The following KCNN2 variants were observed in gnomAD, a reference collection of about 807,000 sequenced individuals.
The protein encoded by KCNN2 is small conductance calcium-activated potassium channel protein 2.
KCNN2 carries 24 observed loss-of-function variants against 55.5 expected under a neutral mutation model. That is an observed-to-expected ratio of 0.43 (90% CI 0.31 to 0.61). The LOEUF (loss-of-function observed/expected upper bound fraction) is 0.61. Among genes scored for constraint, KCNN2 ranks in the 20% least tolerant of loss-of-function variants. The pLI, the probability that KCNN2 is intolerant of heterozygous loss-of-function variation, is 0.08. For missense variants in KCNN2, 754 were observed against 853.6 expected, an observed-to-expected ratio of 0.88 and a Z score of 1.45; for synonymous variants, 431 against 336.1, an observed-to-expected ratio of 1.28 and a Z score of -3.09.
At chr5:114,416,057 C>T (rs1361736055) in intron 3 of KCNN2, among the ~76,000 whole-genome samples, 4 of 152,128 alleles carry the variant, frequency 2.6e-5, no homozygotes, top group African/African-American at 9.7e-5. Context: ...TTCTAGTAAC[C>T]ACTATTTTCT....
intron 2 of KCNN2, among the ~76,000 whole-genome samples, chr5:114,369,881 G>C (rs1047797600): frequency 6.6e-6 from 1 of 152,030 alleles, no homozygotes; most frequent in Admixed American, 6.6e-5. Context: ...GCCATGTTTT[G>C]TACAGTTGAG....
At chr5:114,458,674 C>T (rs535555282) in intron 3 of KCNN2, among the ~76,000 whole-genome samples, 115 of 152,258 alleles carry the variant, frequency 7.6e-4, no homozygotes, top group African/African-American at 2.6e-3. Flanking sequence ...TTCCACATTA[C>T]CTGTCTTATG....
chr5:114,377,228 A>G (rs578223203), intron 2 of KCNN2, among the ~76,000 whole-genome samples: 36 of 152,170 alleles, frequency 2.4e-4, no homozygotes, highest in African/African-American at 7.9e-4. Context: ...TGGCCTCCCC[A>G]GACTTGTTTT....
intron 1 of KCNN2, among the ~76,000 whole-genome samples, chr5:114,134,081 C>A (rs142430833): frequency 6.6e-5 from 10 of 152,214 alleles, no homozygotes; most frequent in African/African-American, 2.4e-4. Context: ...GGTATCCCTG[C>A]TCCTAAATTT....
At chr5:114,275,747 C>A (rs1034881560) in intron 2 of KCNN2, among the ~76,000 whole-genome samples, 5 of 151,646 alleles carry the variant, frequency 3.3e-5, no homozygotes, top group African/African-American at 1.2e-4. Flanking sequence ...GTCTTCCTAG[C>A]GATCTATTTT....
rs1757464372 is a variant in KCNN2, at chr5:114,362,607, G to A, written c.468G>A (p.Gln156=). The A allele has an allele frequency of 2.3e-5, 21 of 897,780 alleles. No homozygotes were observed. In the East Asian group the frequency reaches 6.1e-4, roughly 26 times the overall value. The allele number at this position is 897,780 out of a possible 1,614,324, so 55.6% of individuals were successfully genotyped here. The change falls in exon 1 of 8, where the codon CAG becomes CAA. Residue 156 remains glutamine, a synonymous_variant. Coordinates refer to ENST00000673685, the MANE Select transcript of KCNN2 (RefSeq NM_021614.4). ...QSAQQSASAS[Q]YHQCHSLQPA... The stretch of plus-strand genomic sequence containing the variant: ...CGCAGCAGTCGGCGTCCGCCTCCCA[G>A]TACCACCAGTGCCACAGCCTGCAGC...
chr5:114,241,370 G>A (rs900215454), intron 2 of KCNN2, among the ~76,000 whole-genome samples: 11 of 151,884 alleles, frequency 7.2e-5, no homozygotes, highest in African/African-American at 2.4e-4. Flanking sequence ...AAATAGTGAA[G>A]ATAGTTATGC....
At chr5:114,103,221 T>G (rs1418002662) in intron 1 of KCNN2, among the ~76,000 whole-genome samples, 1 of 152,174 alleles carries the variant, frequency 6.6e-6, no homozygotes, top group Non-Finnish European at 1.5e-5. Context: ...AGTACACTCA[T>G]GATTTGGTTC....
At chr5:114,129,869 T>C (rs1235540229) in intron 1 of KCNN2, among the ~76,000 whole-genome samples, 1 of 152,230 alleles carries the variant, frequency 6.6e-6, no homozygotes, top group Non-Finnish European at 1.5e-5. Flanking sequence ...TGTTTCCTGG[T>C]AGAATCCCTT....
At chr5:114,118,484 C>G (rs1323342005) in intron 1 of KCNN2, among the ~76,000 whole-genome samples, 1 of 151,960 alleles carries the variant, frequency 6.6e-6, no homozygotes, top group African/African-American at 2.4e-5. Flanking sequence ...TAAATCCTAG[C>G]CCAAGGTTAG....
intron 2 of KCNN2, among the ~76,000 whole-genome samples, chr5:114,273,003 TTCTCCTCATGATATC>T (rs1176473734): frequency 6.6e-6 from 1 of 152,090 alleles, no homozygotes; most frequent in Non-Finnish European, 1.5e-5. Context: ...CATTAGGCAT[TTCTCCTCATGATATC>T]TCTCCCCTAG....
chr5:114,320,121 T>C (rs1756586377), intron 2 of KCNN2, among the ~76,000 whole-genome samples: 1 of 152,138 alleles, frequency 6.6e-6, no homozygotes, highest in Middle Eastern at 3.2e-3. Context: ...CATGAATGAG[T>C]AATCATAAAA....
intron 1 of KCNN2, among the ~76,000 whole-genome samples, chr5:114,079,583 A>C (rs945868707): frequency 6.6e-6 from 1 of 152,172 alleles, no homozygotes; most frequent in Non-Finnish European, 1.5e-5. Context: ...CCTAGTGTAT[A>C]GGGTCATTCA....
intron 3 of KCNN2, among the ~76,000 whole-genome samples, chr5:114,461,382 T>A (rs1761182268): frequency 6.6e-6 from 1 of 152,168 alleles, no homozygotes; most frequent in Non-Finnish European, 1.5e-5. Flanking sequence ...TGGTGATTTC[T>A]GCACCTCTGC....
At chr5:114,130,601 G>T (rs949796635) in intron 1 of KCNN2, among the ~76,000 whole-genome samples, 2 of 152,158 alleles carry the variant, frequency 1.3e-5, no homozygotes, top group African/African-American at 2.4e-5. Context: ...CCTCTTACTT[G>T]CAGAGTTAGA....
In KCNN2 at chr5:114,423,333, C is replaced by A. The variant is rs191847662; in HGVS notation, c.1637+18477C>A. On this transcript the variant is annotated intron_variant, in intron 3 of 7. Transcript: ENST00000673685. ...AATGGGAATATGGGTTCCTACTCAC[C>A]CCCACAGCCCCCAAAAAAGACACAA... is the stretch of plus-strand genomic sequence containing the variant. Among the ~76,000 whole-genome samples, 190 of 152,058 alleles carry A rather than the reference C, an allele frequency of 1.2e-3. 4 individuals carry two copies. The highest frequency in any genetic ancestry group is 9.8e-3 in the Admixed American group (149 of 15,258).
chr5:114,463,106 A>G lies in KCNN2; in HGVS notation c.1695A>G (p.Ser565=), dbSNP rs1293457427. The G allele has an allele frequency of 1.2e-6, 2 of 1,613,686 alleles. No homozygotes were observed. The highest frequency in any genetic ancestry group is 1.7e-4 in the Middle Eastern group (1 of 6,054). The change falls in exon 4 of 8, where the codon TCA becomes TCG. Residue 565 remains serine (S), a synonymous_variant. Transcript: ENST00000673685. ...SNFLGAMWLI[S]ITFLSIGYGD... ...TCCTTGGAGCGATGTGGTTGATATC[A>G]ATAACTTTTCTCTCCATTGGTTATG... is the stretch of plus-strand genomic sequence containing the variant.
intron 4 of KCNN2, among the ~76,000 whole-genome samples, chr5:114,466,886 G>C (rs1047579308): frequency 1.3e-5 from 2 of 152,084 alleles, no homozygotes; most frequent in Admixed American, 1.3e-4. Context: ...CATCCCACTA[G>C]TAGTTCTATG....
chr5:114,259,444 C>A (rs1755054946), intron 2 of KCNN2, among the ~76,000 whole-genome samples: 1 of 152,148 alleles, frequency 6.6e-6, no homozygotes, highest in African/African-American at 2.4e-5. Context: ...CCTGCCACTG[C>A]CACTCGGGTC....
Sources: gnomAD v4.1 joint callset for allele counts (sites outside exome capture counted in the v4.1 genomes callset) on GRCh38, gnomAD v4.1.1 for gene constraint, MANE v1.5 for transcripts, NCBI Gene and HGNC (gene_info 2026-07-23, HGNC 2026-07-21) for gene names.